ZNF410: variants seen among roughly 807,000 people sequenced by gnomAD.
The protein encoded by ZNF410 is zinc finger protein 410, also known as another partner for ARF 1.
ZNF410 carries 18 observed loss-of-function variants against 54.8 expected under a neutral mutation model. That is an observed-to-expected ratio of 0.33 (90% CI 0.23 to 0.49). The LOEUF is 0.49. ZNF410 is among the 20% of genes least tolerant of loss of function. The pLI is 0.99. For synonymous variants in ZNF410, 191 were observed against 207.3 expected (o/e 0.92, Z 0.68); for missense variants, 405 against 569.6 (o/e 0.71, Z 2.94).
chr14:73,912,777 T>G (rs1371921357), intron 8 of ZNF410, among the ~76,000 whole-genome samples: 1 of 152,236 alleles, frequency 6.6e-6, no homozygotes, highest in Non-Finnish European at 1.5e-5. Flanking sequence ...CTTGATTTTA[T>G]TTTTGAGTTG....
intron 8 of ZNF410, chr14:73,913,706 T>C (rs1464055831): frequency 6.6e-6 from 1 of 152,270 alleles, no homozygotes; most frequent in Admixed American, 6.5e-5. Flanking sequence ...TAAACAATCC[T>C]CCTGTTCTCC....
intron 7 of ZNF410, among the ~76,000 whole-genome samples, chr14:73,907,658 G>A (rs35483996): frequency 0.11 from 17,193 of 152,200 alleles, 1,268 homozygotes; most frequent in Admixed American, 0.19. Context: ...TTGGGAGGCC[G>A]AGGCGAGTGG....
chr14:73,887,562 G>A (rs970849534), intron 1 of ZNF410: 1 of 152,290 alleles, frequency 6.6e-6, no homozygotes. Flanking sequence ...ATGAGGCTCA[G>A]AAATGCATTT....
At position 73,896,061 on chromosome 14, in the gene ZNF410, T is replaced by G. The variant is rs1316195164; in HGVS notation, c.170-255T>G. The G allele has an allele frequency of 1.5e-5, 7 of 469,746 alleles. No homozygotes were observed. In the Admixed American group the frequency reaches 1.5e-4, roughly 10 times the overall value. 29.1% of individuals were successfully genotyped at this position (469,746 alleles called of 1,614,324 possible). A position where few individuals can be genotyped will look rare whatever the true frequency, so the allele number is the denominator to read the frequency against. Reference sequence around the variant, plus strand: ...ACTAAATTCTGTGATGTCCAAATGTTGAATGGTTGGTTATTCACCAACCAT... The same window carrying G: ...ACTAAATTCTGTGATGTCCAAATGTGGAATGGTTGGTTATTCACCAACCAT... On this transcript the variant is annotated intron_variant, in intron 3 of 11. Coordinates refer to ENST00000555044, the MANE Select transcript of ZNF410 (RefSeq NM_021188.3).
intron 5 of ZNF410, among the ~76,000 whole-genome samples, chr14:73,900,456 A>ACTCTGCCTCCTGGGCTCAAGTGATT (rs2055388424): frequency 1.3e-5 from 2 of 151,030 alleles, no homozygotes; most frequent in Non-Finnish European, 3.0e-5. Flanking sequence ...CTCACTGCAA[A>ACTCTGCCTCCTGGGCTCAAGTGATT]CTCTGCCTCC....
intron 11 of ZNF410, among the ~76,000 whole-genome samples, chr14:73,926,508 A>G (rs1398609311): frequency 6.6e-6 from 1 of 151,954 alleles, no homozygotes; most frequent in Non-Finnish European, 1.5e-5. Flanking sequence ...ATCTCGGCTC[A>G]CTGCAACCTC....
chr14:73,902,663 G>A (rs2055425919), intron 5 of ZNF410, among the ~76,000 whole-genome samples: 1 of 152,138 alleles, frequency 6.6e-6, no homozygotes, highest in Admixed American at 6.6e-5. Flanking sequence ...GGTATATATA[G>A]TGGAAAGATA....
At position 73,931,668 on chromosome 14, in the gene ZNF410, A is replaced by T. The variant is rs2055917916; in HGVS notation, c.*127A>T. 10 of 808,152 alleles carry T rather than the reference A, an allele frequency of 1.2e-5. No homozygotes were observed. The highest frequency in any genetic ancestry group is 5.0e-5 in the Admixed American group (2 of 39,734). 50.1% of individuals were successfully genotyped at this position (808,152 alleles called of 1,614,324 possible). Reference sequence around the variant, plus strand: ...GAAGGCACAAGACTCTGCTTTTGCCACTCTTCCTCTTTCCTGGTATAGAAG... The same window carrying T: ...GAAGGCACAAGACTCTGCTTTTGCCTCTCTTCCTCTTTCCTGGTATAGAAG... On this transcript the variant is annotated 3_prime_UTR_variant, in exon 12 of 12. Transcript: ENST00000555044.
chr14:73,891,825 G>C (rs2055234720), intron 1 of ZNF410: 1 of 574,924 alleles, frequency 1.7e-6, no homozygotes, highest in Non-Finnish European at 3.0e-6. Flanking sequence ...ATTAGAGGTT[G>C]AAATACTGCA....
At chr14:73,899,609 G>A (rs1041144140) in intron 5 of ZNF410, among the ~76,000 whole-genome samples, 5 of 152,254 alleles carry the variant, frequency 3.3e-5, no homozygotes, top group African/African-American at 1.2e-4. Flanking sequence ...CCAATGAGAA[G>A]CAGCGTAGGG....
rs869151597 is a variant in ZNF410 at position 73,905,944 on chromosome 14, T to TACAC, written c.913+883_913+886dup. On this transcript the variant is annotated intron_variant, in intron 7 of 11. Transcript: ENST00000555044. ...ATATATACACATACATACATATATA[T>TACAC]ACACACACACACACACACACACACA... Among the ~76,000 whole-genome samples, 189 of 76,422 alleles carry TACAC rather than the reference T, an allele frequency of 2.5e-3. 1 individual carries two copies. Among genetic ancestry groups the TACAC allele is most frequent in the African/African-American group, 9.7e-3 (171 of 17,656 alleles). The allele number at this position is 76,422 out of a possible 152,430, so 50.1% of individuals were successfully genotyped here.
intron 5 of ZNF410, 38 bp from the exon 6 acceptor site, chr14:73,903,922 G>GC (rs2055444305): frequency 1.9e-6 from 3 of 1,612,736 alleles, no homozygotes; most frequent in Non-Finnish European, 1.7e-6. Context: ...TCTGAGTAGG[G>GC]TCTTTCCCTG....
chr14:73,896,593 C>T, intron 4 of ZNF410, 59 bp downstream of exon 4: 1 of 1,328,070 alleles, frequency 7.5e-7, no homozygotes, highest in Non-Finnish European at 1.1e-6. Context: ...AGGGGTGGGG[C>T]ATATTTAACT....
At chr14:73,919,886 G>GTTTTTTTTTTTTTTTTTTT (rs1158550117) in intron 8 of ZNF410, among the ~76,000 whole-genome samples, 2 of 62,026 alleles carry the variant, frequency 3.2e-5, no homozygotes, top group African/African-American at 6.2e-5. Flanking sequence ...TATTGTATAG[G>GTTTTTTTTTTTTTTTTTTT]TTTTTTTTTT....
chr14:73,890,410 ACTC>A (rs1234421080), intron 1 of ZNF410, among the ~76,000 whole-genome samples: 1 of 148,610 alleles, frequency 6.7e-6, no homozygotes, highest in African/African-American at 2.5e-5. Flanking sequence ...CTGGTCTTGA[ACTC>A]CTGACCTCAG....
At chr14:73,920,332 T>C (rs1249228047) in intron 8 of ZNF410, 1 of 152,190 alleles carries the variant, frequency 6.6e-6, no homozygotes, top group Non-Finnish European at 1.5e-5. Context: ...TGGCAACAGT[T>C]GGCTAGAGCT....
intron 8 of ZNF410, 82 bp from the exon 9 acceptor site, chr14:73,920,898 C>T (rs1171100252): frequency 3.9e-5 from 61 of 1,561,694 alleles, no homozygotes; most frequent in Non-Finnish European, 5.1e-5. Context: ...GTTTAACATT[C>T]TCTGGGTTTC....
intron 11 of ZNF410, 57 bp downstream of exon 11, chr14:73,923,579 A>G: frequency 6.4e-7 from 1 of 1,558,686 alleles, no homozygotes; most frequent in African/African-American, 1.4e-5. Flanking sequence ...AATGATTGAG[A>G]ATTTAGAGGA....
chr14:73,917,700 G>A (rs2055689120), intron 8 of ZNF410, among the ~76,000 whole-genome samples: 1 of 152,078 alleles, frequency 6.6e-6, no homozygotes. Flanking sequence ...GCATGTGCCT[G>A]TAATCCCAAC....
Sources: gnomAD v4.1 joint callset for allele counts (sites outside exome capture counted in the v4.1 genomes callset) on GRCh38, gnomAD v4.1.1 for gene constraint, MANE v1.5 for transcripts, NCBI Gene and HGNC (gene_info 2026-07-23, HGNC 2026-07-21) for gene names.